The following LNX1 variants were observed in gnomAD, a reference collection of about 807,000 sequenced individuals.
The protein encoded by LNX1 is ligand of numb-protein X 1, also known as E3 ubiquitin-protein ligase LNX.
A neutral mutation model predicts 68.4 loss-of-function variants in LNX1; 54 were observed. That is an observed-to-expected ratio of 0.79 (90% CI 0.63 to 0.99). The LOEUF is 0.99. Among genes scored for constraint, LNX1 ranks in the 50% least tolerant of loss-of-function variants. The pLI is 0.00. For missense variants in LNX1, 906 were observed against 926.4 expected, an observed-to-expected ratio of 0.98 and a Z score of 0.29; for synonymous variants, 336 against 350.0, an observed-to-expected ratio of 0.96 and a Z score of 0.45.
intron 2 of LNX1, among the ~76,000 whole-genome samples, chr4:53,509,667 G>A (rs1186645242): frequency 6.6e-6 from 1 of 152,136 alleles, no homozygotes; most frequent in Non-Finnish European, 1.5e-5. Flanking sequence ...AGTCGTCATG[G>A]TATCTACATG....
chr4:53,571,480 G>T (rs767282218), intron 2 of LNX1, among the ~76,000 whole-genome samples: 1 of 152,044 alleles, frequency 6.6e-6, no homozygotes, highest in Non-Finnish European at 1.5e-5. Context: ...ATGCTATGCG[G>T]CTGGCTCTGA....
At chr4:53,468,192 T>A in intron 9 of LNX1, among the ~76,000 whole-genome samples, 1 of 152,148 alleles carries the variant, frequency 6.6e-6, no homozygotes, top group East Asian at 1.9e-4. Context: ...ATATTCAACA[T>A]CCTTAAAAGA....
At chr4:53,541,853 T>C (rs1335826994) in intron 2 of LNX1, among the ~76,000 whole-genome samples, 4 of 152,206 alleles carry the variant, frequency 2.6e-5, no homozygotes, top group Non-Finnish European at 5.9e-5. Context: ...TACTTTCAGA[T>C]AGCTTTGTAA....
At chr4:53,622,381 C>G (rs574608321), upstream of LNX1, among the ~76,000 whole-genome samples, 7 of 152,062 alleles carry the variant, frequency 4.6e-5, no homozygotes, top group Non-Finnish European at 1.0e-4. Context: ...TTTAATGTCC[C>G]GGTGTCGCAG....
intron 2 of LNX1, among the ~76,000 whole-genome samples, chr4:53,569,932 A>T (rs1387929065): frequency 6.6e-6 from 1 of 151,886 alleles, no homozygotes; most frequent in African/African-American, 2.4e-5. Context: ...ATCACTGGCC[A>T]TCAGAGAAAT....
chr4:53,557,975 A>T, intron 2 of LNX1: 1 of 1,613,666 alleles, frequency 6.2e-7, no homozygotes, highest in African/African-American at 1.3e-5. Context: ...TTCTCCGAGC[A>T]GTGTGCTGCC....
At chr4:53,494,812 A>G (rs990546530) in intron 6 of LNX1, among the ~76,000 whole-genome samples, 16 of 152,338 alleles carry the variant, frequency 1.1e-4, no homozygotes, top group African/African-American at 3.4e-4. Context: ...AACAAAGTCT[A>G]TTCTTCCAAG....
At chr4:53,593,475 A>G (rs1177098098), upstream of LNX1, among the ~76,000 whole-genome samples, 1 of 152,226 alleles carries the variant, frequency 6.6e-6, no homozygotes, top group Non-Finnish European at 1.5e-5. Context: ...ACAGTCATCT[A>G]CATATGTGGT....
rs866079623 is a variant in LNX1, at chr4:53,573,686, G to T, written c.317C>A (p.Pro106Gln). The T allele has an allele frequency of 6.2e-7, 1 of 1,609,344 alleles. No individual in the cohort carries two copies. Residue 106 changes from proline to glutamine, a missense_variant, in exon 2 of 11, where the codon CCA becomes CAA. Coordinates refer to ENST00000263925, the MANE Select transcript of LNX1 (RefSeq NM_001126328.3). Reference sequence around the variant, plus strand: ...CACCTGGGTGCAGTGCTCCCTGAATGGGCAGGTCACCAGTAGCTTGTTGAG... The same window carrying T: ...CACCTGGGTGCAGTGCTCCCTGAATTGGCAGGTCACCAGTAGCTTGTTGAG... ...KLLNKLLVTC[P>Q]FREHCTQVLQ...
At chr4:53,591,615 AAG>A (rs1350913929), upstream of LNX1, 67 of 983,666 alleles carry the variant, frequency 6.8e-5, no homozygotes, top group East Asian at 1.1e-4. Flanking sequence ...TAGGGATTGA[AAG>A]AGTCAGGAGG....
intron 2 of LNX1, among the ~76,000 whole-genome samples, chr4:53,545,346 C>T (rs1729034417): frequency 6.6e-6 from 1 of 152,190 alleles, no homozygotes; most frequent in African/African-American, 2.4e-5. Context: ...CCATCTCAGC[C>T]CCCCAACCTG....
intron 4 of LNX1, among the ~76,000 whole-genome samples, chr4:53,501,309 G>GGGGGGGGA (rs1560630604): frequency 8.6e-6 from 1 of 115,890 alleles, no homozygotes; most frequent in Non-Finnish European, 1.8e-5. Flanking sequence ...TGGGGGTGGG[G>GGGGGGGGA]GGACAGGATC....
At position 53,558,195 on chromosome 4, in the gene LNX1, G is replaced by T. The variant is rs17083031; in HGVS notation, c.380+15428C>A. ...ATGTAGGAACGCAAGGAGCCACCAC[G>T]GTTGGCGAGAGAGCTTAGGCTGAGA... On this transcript the variant is annotated intron_variant, in intron 2 of 10. Coordinates refer to ENST00000263925, the MANE Select transcript of LNX1 (RefSeq NM_001126328.3). The T allele has an allele frequency of 2.2e-3, 2,905 of 1,316,386 alleles. 58 individuals carry two copies. In the African/African-American group the frequency reaches 0.039, roughly 18 times the overall value. 81.5% of individuals were successfully genotyped at this position (1,316,386 alleles called of 1,614,324 possible).
At chr4:53,551,337 C>G (rs1192992179) in intron 2 of LNX1, among the ~76,000 whole-genome samples, 1 of 152,130 alleles carries the variant, frequency 6.6e-6, no homozygotes, top group African/African-American at 2.4e-5. Context: ...TTAATTGTCT[C>G]TCTAAAATAA....
intron 9 of LNX1, among the ~76,000 whole-genome samples, chr4:53,473,635 G>A (rs926046945): frequency 1.1e-4 from 17 of 152,146 alleles, no homozygotes; most frequent in African/African-American, 4.1e-4. Flanking sequence ...GGTGACAACA[G>A]ACACCAGGGC....
chr4:53,548,759 G>T (rs1470293379), intron 2 of LNX1, among the ~76,000 whole-genome samples: 2 of 152,166 alleles, frequency 1.3e-5, no homozygotes, highest in Admixed American at 6.5e-5. Flanking sequence ...CAATAGCAAA[G>T]ATATGGAATC....
chr4:53,581,825 A>G (rs1367153662), intron 1 of LNX1, among the ~76,000 whole-genome samples: 1 of 152,208 alleles, frequency 6.6e-6, no homozygotes, highest in East Asian at 1.9e-4. Context: ...TTTTTGATTG[A>G]GGAAATTGCC....
At chr4:53,620,342 T>C (rs147223497), upstream of LNX1, among the ~76,000 whole-genome samples, 533 of 152,326 alleles carry the variant, frequency 3.5e-3, 4 homozygotes, top group African/African-American at 0.012. Flanking sequence ...TCTCAAGCCC[T>C]GACCCAGATG....
intron 1 of LNX1, among the ~76,000 whole-genome samples, chr4:53,575,122 C>G (rs2061635314): frequency 6.6e-6 from 1 of 152,126 alleles, no homozygotes; most frequent in African/African-American, 2.4e-5. Flanking sequence ...GCTGGGATTA[C>G]AGGCGCGCGC....
Sources: gnomAD v4.1 joint callset for allele counts (sites outside exome capture counted in the v4.1 genomes callset) on GRCh38, gnomAD v4.1.1 for gene constraint, MANE v1.5 for transcripts, NCBI Gene and HGNC (gene_info 2026-07-23, HGNC 2026-07-21) for gene names.